MCF2: variants seen among roughly 807,000 people sequenced by gnomAD.
MCF2 encodes the protein MCF.2 cell line derived transforming sequence.
A neutral mutation model predicts 82.5 loss-of-function variants in MCF2; 44 were observed. The ratio of observed to expected loss-of-function variants is 0.53; its 90% CI spans 0.42 to 0.69. The LOEUF (loss-of-function observed/expected upper bound fraction) is 0.69, where lower values mean the gene tolerates loss of function less well. Among genes scored for constraint, MCF2 ranks in the 30% least tolerant of loss-of-function variants. MCF2 has a pLI of 0.00. For synonymous variants in MCF2, 217 were observed against 224.9 expected, an observed-to-expected ratio of 0.96 and a Z score of 0.32; for missense variants, 623 against 663.1, an observed-to-expected ratio of 0.94 and a Z score of 0.66.
At chrX:139,675,785 C>T (rs1458299299) in intron 1 of MCF2, among the ~76,000 whole-genome samples, 1 of 112,441 alleles carries the variant, frequency 8.9e-6, no homozygotes, top group Non-Finnish European at 1.9e-5. Context: ...GGTCAGGGAC[C>T]CACTTGAGGA....
chrX:139,614,022 AC>A (rs1365228751), intron 10 of MCF2, among the ~76,000 whole-genome samples: 1 of 110,388 alleles, frequency 9.1e-6, no homozygotes, highest in Non-Finnish European at 1.9e-5. Context: ...GTTCTCCTAC[AC>A]TAATGAAGCT....
intron 1 of MCF2, among the ~76,000 whole-genome samples, chrX:139,697,607 C>T (rs1255056459): frequency 9.0e-6 from 1 of 111,461 alleles, no homozygotes; most frequent in African/African-American, 3.3e-5. Flanking sequence ...ACTTTGACAC[C>T]CTCAGCTAAG....
chrX:139,661,517 C>T (rs998221213), intron 1 of MCF2, among the ~76,000 whole-genome samples: 1 of 111,082 alleles, frequency 9.0e-6, no homozygotes, highest in Non-Finnish European at 1.9e-5. Context: ...TGTACAAGCA[C>T]GTATACAACA....
At chrX:139,610,185 A>T in intron 11 of MCF2, 116 bp downstream of exon 15, 1 of 487,781 alleles carries the variant, frequency 2.1e-6, no homozygotes, top group Admixed American at 4.8e-5. Context: ...TTTTCTTTTA[A>T]ATAGTCTTTC....
At chrX:139,697,581 T>C (rs1935407774) in intron 1 of MCF2, among the ~76,000 whole-genome samples, 2 of 111,917 alleles carry the variant, frequency 1.8e-5, no homozygotes, top group African/African-American at 6.5e-5. Context: ...AAAAGTATGT[T>C]AAATGCAAGG....
rs1208129242 is a variant in MCF2, at chrX:139,631,525, C to T, written c.172-14G>A. ...CAGCATAACAACCTATATAAATAAG[C>T]AAAAAAGATACTGTTAACTGCCCTT... On this transcript the variant is annotated splice_polypyrimidine_tract_variant and intron_variant, in intron 2 of 24. Transcript: ENST00000370576. 1 of 1,022,464 alleles carries T rather than the reference C, an allele frequency of 9.8e-7. No individual in the cohort carries two copies. Among genetic ancestry groups the T allele is most frequent in the East Asian group, 3.1e-5 (1 of 32,692 alleles). The allele number at this position is 1,022,464 out of a possible 1,213,427, so 84.3% of individuals were successfully genotyped here.
At chrX:139,685,662 C>T (rs1204474503) in intron 1 of MCF2, among the ~76,000 whole-genome samples, 10 of 110,979 alleles carry the variant, frequency 9.0e-5, no homozygotes, top group Non-Finnish European at 1.9e-4. Context: ...TTCTTTAACT[C>T]GGTGTCTGAG....
chrX:139,672,893 C>T (rs1159171601), intron 1 of MCF2, among the ~76,000 whole-genome samples: 1 of 111,707 alleles, frequency 9.0e-6, no homozygotes, highest in Non-Finnish European at 1.9e-5. Flanking sequence ...AGGAATAGTA[C>T]CAGCTCCTCC....
In MCF2 at chrX:139,595,641, T is replaced by A. The variant is rs1930009789; in HGVS notation, c.2277+908A>T. On this transcript the variant is annotated intron_variant, in intron 19 of 24. Transcript: ENST00000370576. ...TACCTAATGCTAAATGATGAGTTAA[T>A]GGGTGCAGCACACCAGCGTGGCACA... is the stretch of plus-strand genomic sequence containing the variant. Among the ~76,000 whole-genome samples, 6 of 106,273 alleles carry A rather than the reference T, an allele frequency of 5.6e-5. No homozygotes were observed. In the South Asian group the frequency reaches 2.7e-3, roughly 48 times the overall value. 92.3% of individuals were successfully genotyped at this position (106,273 alleles called of 115,157 possible). A position where few individuals can be genotyped will look rare whatever the true frequency, so the allele number is the denominator to read the frequency against.
chrX:139,658,559 A>G (rs1386126969), intron 1 of MCF2, among the ~76,000 whole-genome samples: 7 of 111,068 alleles, frequency 6.3e-5, no homozygotes, highest in Non-Finnish European at 1.1e-4. Flanking sequence ...CTTTGGTAAC[A>G]GTTCAAGAAA....
At chrX:139,606,859 T>C (rs1434241858) in intron 12 of MCF2, among the ~76,000 whole-genome samples, 2 of 110,803 alleles carry the variant, frequency 1.8e-5, no homozygotes, top group East Asian at 5.6e-4. Context: ...AGTCTTACAG[T>C]ATAAATATGT....
chrX:139,685,484 A>T (rs1388362028), intron 1 of MCF2, among the ~76,000 whole-genome samples: 2 of 111,139 alleles, frequency 1.8e-5, no homozygotes, highest in Non-Finnish European at 3.8e-5. Context: ...TTACCAGTGC[A>T]TGCAGCCCCC....
intron 1 of MCF2, among the ~76,000 whole-genome samples, chrX:139,661,640 T>G (rs1934358458): frequency 9.0e-6 from 1 of 111,723 alleles, no homozygotes; most frequent in Admixed American, 9.5e-5. Flanking sequence ...TGCTAAGTAC[T>G]ATTCTATTCA....
At chrX:139,592,645 T>A (rs1929624230) in intron 19 of MCF2, among the ~76,000 whole-genome samples, 1 of 111,510 alleles carries the variant, frequency 9.0e-6, no homozygotes, top group South Asian at 3.8e-4. Context: ...CAATCTATGT[T>A]TATTAATTAC....
At chrX:139,660,762 CA>C (rs1934334980) in intron 1 of MCF2, among the ~76,000 whole-genome samples, 1 of 111,816 alleles carries the variant, frequency 8.9e-6, no homozygotes, top group African/African-American at 3.2e-5. Context: ...AGAATAAAAC[CA>C]AGATTCATAT....
intron 1 of MCF2, among the ~76,000 whole-genome samples, chrX:139,706,968 G>T (rs186762819): frequency 1.0e-4 from 11 of 110,365 alleles, no homozygotes; most frequent in African/African-American, 3.6e-4. Flanking sequence ...CCAAAAAAAT[G>T]ATGAAGTACA....
upstream of MCF2, chrX:139,647,002 CT>C: frequency 3.9e-6 from 2 of 511,747 alleles, no homozygotes; most frequent in Non-Finnish European, 6.4e-6. Flanking sequence ...AGCAACACAA[CT>C]TTTTTGCAAA....
chrX:139,624,972 G>C (rs1043443789), intron 6 of MCF2, among the ~76,000 whole-genome samples: 8 of 111,184 alleles, frequency 7.2e-5, no homozygotes, highest in African/African-American at 2.6e-4. Context: ...AGCAAATGGA[G>C]TAAAATATTG....
intron 1 of MCF2, among the ~76,000 whole-genome samples, chrX:139,680,861 A>G (rs1277153708): frequency 2.7e-5 from 3 of 112,617 alleles, no homozygotes; most frequent in Admixed American, 1.9e-4. Flanking sequence ...AAAATGACTT[A>G]TTTTAGTTTG....
Sources: allele counts gnomAD v4.1 joint callset (sites outside exome capture counted in the v4.1 genomes callset), GRCh38; gene constraint gnomAD v4.1.1; transcripts MANE v1.5; gene names NCBI Gene and HGNC (gene_info 2026-07-23, HGNC 2026-07-21).